MGAT5: variants seen among roughly 807,000 people sequenced by gnomAD.
MGAT5 encodes alpha-1,6-mannosylglycoprotein 6-beta-N-acetylglucosaminyltransferase.
A neutral mutation model predicts 94.3 loss-of-function variants in MGAT5; 30 were observed. That is an observed-to-expected ratio of 0.32 (90% CI 0.24 to 0.43). MGAT5 has a LOEUF of 0.43. Among genes scored for constraint, MGAT5 ranks in the 20% least tolerant of loss-of-function variants. The pLI is 1.00. For synonymous variants in MGAT5, 310 were observed against 322.9 expected, an observed-to-expected ratio of 0.96 and a Z score of 0.43; for missense variants, 691 against 905.5, an observed-to-expected ratio of 0.76 and a Z score of 3.04.
intron 4 of MGAT5, among the ~76,000 whole-genome samples, chr2:134,320,458 C>T (rs1275152748): frequency 1.3e-5 from 2 of 151,902 alleles, no homozygotes; most frequent in East Asian, 3.9e-4. Flanking sequence ...CCTAGAACCT[C>T]TTGGGAATCA....
chr2:134,391,847 C>T (rs1408344406), intron 10 of MGAT5, among the ~76,000 whole-genome samples: 1 of 152,204 alleles, frequency 6.6e-6, no homozygotes, highest in Non-Finnish European at 1.5e-5. Flanking sequence ...CTCATGTGAT[C>T]CTTTGGGCCT....
At chr2:134,287,646 G>C (rs914647778) in intron 2 of MGAT5, among the ~76,000 whole-genome samples, 4 of 152,150 alleles carry the variant, frequency 2.6e-5, no homozygotes, top group African/African-American at 9.7e-5. Flanking sequence ...CTGCCCAGGG[G>C]CTGCCAGAAC....
At chr2:134,143,861 T>C (rs2104967781) in intron 1 of MGAT5, among the ~76,000 whole-genome samples, 1 of 152,316 alleles carries the variant, frequency 6.6e-6, no homozygotes, top group South Asian at 2.1e-4. Flanking sequence ...AGGCACAGTT[T>C]TCTGTTACCA....
At chr2:134,377,021 T>A (rs750471008) in intron 10 of MGAT5, among the ~76,000 whole-genome samples, 3 of 152,206 alleles carry the variant, frequency 2.0e-5, no homozygotes, top group Non-Finnish European at 4.4e-5. Flanking sequence ...CTAGCTCACA[T>A]TGTTGACACA....
intron 1 of MGAT5, among the ~76,000 whole-genome samples, chr2:134,218,791 G>T (rs1467009870): frequency 6.6e-6 from 1 of 152,290 alleles, no homozygotes; most frequent in East Asian, 1.9e-4. Flanking sequence ...ATTGCAAGGG[G>T]AATGGGATAC....
intron 10 of MGAT5, among the ~76,000 whole-genome samples, chr2:134,377,586 G>A (rs1190360937): frequency 2.6e-5 from 4 of 152,136 alleles, no homozygotes; most frequent in African/African-American, 7.2e-5. Flanking sequence ...TTATGACCAC[G>A]GCTCCTTTAC....
At chr2:134,425,071 T>G (rs922159265) in intron 13 of MGAT5, among the ~76,000 whole-genome samples, 5 of 152,120 alleles carry the variant, frequency 3.3e-5, no homozygotes, top group Admixed American at 2.0e-4. Flanking sequence ...CTTGTACTCT[T>G]GAGGAGAGTA....
At chr2:134,179,686 C>A (rs972323218) in intron 1 of MGAT5, among the ~76,000 whole-genome samples, 1 of 152,172 alleles carries the variant, frequency 6.6e-6, no homozygotes, top group Non-Finnish European at 1.5e-5. Flanking sequence ...TGCTTTCTTG[C>A]CCTTCATATC....
At chr2:134,272,071 C>T (rs950684855) in intron 2 of MGAT5, among the ~76,000 whole-genome samples, 3 of 152,206 alleles carry the variant, frequency 2.0e-5, no homozygotes, top group Admixed American at 2.0e-4. Flanking sequence ...TTTCCCCCAT[C>T]GTGGCATCTT....
intron 1 of MGAT5, among the ~76,000 whole-genome samples, chr2:134,133,853 A>T (rs576885441): frequency 6.6e-6 from 1 of 152,094 alleles, no homozygotes; most frequent in Non-Finnish European, 1.5e-5. Context: ...TCTCATGCTG[A>T]TCCGTTCCTC....
chr2:134,369,450 G>A (rs1285636836), intron 10 of MGAT5, among the ~76,000 whole-genome samples: 2 of 152,070 alleles, frequency 1.3e-5, no homozygotes, highest in African/African-American at 4.8e-5. Flanking sequence ...CATATGATTG[G>A]GACAGGCCAC....
Position 134,422,799 on chromosome 2 carries a change from C to A in MGAT5, c.1678-4C>A, listed in dbSNP as rs1420286525. ...TGAGACTGAGGTGTTCGGTTCTTTT[C>A]CAGCTGACATCCCAGCATCCTTACG... is the stretch of plus-strand genomic sequence containing the variant. On this transcript the variant is annotated splice_polypyrimidine_tract_variant and splice_region_variant and intron_variant, in intron 12 of 15. Transcript: ENST00000281923. 1 of 1,612,712 alleles carries A rather than the reference C, an allele frequency of 6.2e-7. No individual in the cohort carries two copies. Among genetic ancestry groups the A allele is most frequent in the East Asian group, 2.2e-5 (1 of 44,872 alleles).
chr2:134,382,006 G>T (rs1356049662), intron 10 of MGAT5, among the ~76,000 whole-genome samples: 4 of 152,174 alleles, frequency 2.6e-5, no homozygotes, highest in Non-Finnish European at 5.9e-5. Flanking sequence ...ATTGAGAAGT[G>T]TCTGACCCCA....
chr2:134,259,797 A>C (rs1204172775), intron 1 of MGAT5, among the ~76,000 whole-genome samples: 1 of 152,180 alleles, frequency 6.6e-6, no homozygotes, highest in Non-Finnish European at 1.5e-5. Context: ...TTTTGTGCAT[A>C]CAGTGAGAAA....
At chr2:134,176,572 TAAAAA>T (rs66689362) in intron 1 of MGAT5, among the ~76,000 whole-genome samples, 1 of 83,312 alleles carries the variant, frequency 1.2e-5, no homozygotes, top group Non-Finnish European at 2.2e-5. Context: ...GACTCTGTCT[TAAAAA>T]AAAAAAAAAA....
chr2:134,244,345 A>G (rs888119622), intron 1 of MGAT5, among the ~76,000 whole-genome samples: 2 of 151,456 alleles, frequency 1.3e-5, no homozygotes, highest in Non-Finnish European at 2.9e-5. Context: ...CATCATCCAG[A>G]TTTGGTCTTG....
At chr2:134,275,936 A>G (rs1684333271) in intron 2 of MGAT5, among the ~76,000 whole-genome samples, 1 of 152,102 alleles carries the variant, frequency 6.6e-6, no homozygotes, top group African/African-American at 2.4e-5. Context: ...AAAGCATCCT[A>G]CAATATATAA....
At chr2:134,423,697 G>A (rs1047857146) in intron 13 of MGAT5, among the ~76,000 whole-genome samples, 9 of 152,218 alleles carry the variant, frequency 5.9e-5, no homozygotes, top group African/African-American at 2.2e-4. Context: ...TGTGGGTTCA[G>A]TTCTAGCTCT....
chr2:134,362,001 C>T (rs1259417368), intron 9 of MGAT5, among the ~76,000 whole-genome samples: 1 of 152,132 alleles, frequency 6.6e-6, no homozygotes, highest in Non-Finnish European at 1.5e-5. Flanking sequence ...GAAGAGAGTA[C>T]ACAGCTTAAT....
Sources: gnomAD v4.1 joint callset for allele counts (sites outside exome capture counted in the v4.1 genomes callset) on GRCh38, gnomAD v4.1.1 for gene constraint, MANE v1.5 for transcripts, NCBI Gene and HGNC (gene_info 2026-07-23, HGNC 2026-07-21) for gene names.